Variants in ABI3BP observed in about 807,000 individuals in gnomAD.
The protein encoded by ABI3BP is target of Nesh-SH3.
A neutral mutation model predicts 268.6 loss-of-function variants in ABI3BP; 216 were observed. The observed-to-expected ratio is 0.80, with a 90% confidence interval of 0.72 to 0.90. The LOEUF (loss-of-function observed/expected upper bound fraction) is 0.90, where lower values mean the gene tolerates loss of function less well. Among genes scored for constraint, ABI3BP ranks in the 40% least tolerant of loss-of-function variants. ABI3BP has a pLI of 0.00. For synonymous variants in ABI3BP, 730 were observed against 730.0 expected (o/e 1.00, Z 0.00); for missense variants, 2,090 against 2,182.4 (o/e 0.96, Z 0.84).
At chr3:100,792,395 G>A (rs1337241873) in intron 55 of ABI3BP, among the ~76,000 whole-genome samples, 2 of 151,688 alleles carry the variant, frequency 1.3e-5, no homozygotes, top group East Asian at 1.9e-4. Context: ...TATGGAAAAC[G>A]AGGCAAATGA....
rs1202676209 is a variant in ABI3BP at position 100,787,734 on chromosome 3, C to G, written c.4156G>C (p.Gly1386Arg). 2 of 1,530,496 alleles carry G rather than the reference C, an allele frequency of 1.3e-6. No homozygotes were observed. The highest frequency in any genetic ancestry group is 2.0e-5 in the Admixed American group (1 of 50,198). 94.8% of individuals were successfully genotyped at this position (1,530,496 alleles called of 1,614,324 possible). A position where few individuals can be genotyped will look rare whatever the true frequency, so the allele number is the denominator to read the frequency against. Reference protein sequence around the residue: ...PSGMPSGNGVGTGVKQAPRPS... With the variant: ...PSGMPSGNGVRTGVKQAPRPS... ...ATACATTTGTGATTATTACCTGTTC[C>G]CACTCCATTCCCACTGGGCATCCCA... The change falls in exon 57 of 68, where the codon GGA becomes CGA. Residue 1386 changes from glycine to arginine, a missense_variant. Physicochemically the swap from Gly to Arg is moderately radical, Grantham distance 125. Transcript: ENST00000471714.
intron 2 of ABI3BP, among the ~76,000 whole-genome samples, chr3:100,914,880 C>G (rs984631558): frequency 6.6e-6 from 1 of 152,094 alleles, no homozygotes; most frequent in Non-Finnish European, 1.5e-5. Flanking sequence ...TTGAGGAAGA[C>G]ATTATTGGAG....
rs1407464226 is a variant in ABI3BP at position 100,840,824 on chromosome 3, T to C, written c.1800A>G (p.Thr600=). ...ACCCACTCAATACTCTATTACCTAA[T>C]GTTGTTGAAGGTTTGGTTCCTGGTG... ...PETPGTKPST[T]LAPRKTKRPG... Residue 600 remains threonine (T), a synonymous_variant, in exon 22 of 68, where the codon ACA becomes ACG. Transcript: ENST00000471714. 1 of 1,534,978 alleles carries C rather than the reference T, an allele frequency of 6.5e-7. No individual in the cohort carries two copies. The highest frequency in any genetic ancestry group is 1.4e-5 in the African/African-American group (1 of 73,060).
At chr3:100,810,376 T>G in intron 49 of ABI3BP, 36 bp downstream of exon 49, 1 of 1,492,450 alleles carries the variant, frequency 6.7e-7, no homozygotes, top group Non-Finnish European at 9.0e-7. Context: ...CTGCAAACAC[T>G]CACCTCATAT....
chr3:100,913,727 C>T (rs2057594734), intron 2 of ABI3BP, among the ~76,000 whole-genome samples: 1 of 152,282 alleles, frequency 6.6e-6, no homozygotes, highest in Admixed American at 6.5e-5. Context: ...AGATTACTAG[C>T]ACATTGCCCT....
Position 100,821,044 on chromosome 3 carries a change from G to A in ABI3BP, c.2947+10C>T, listed in dbSNP as rs757387828. The A allele has an allele frequency of 2.2e-4, 342 of 1,534,022 alleles. No homozygotes were observed. The highest frequency in any genetic ancestry group is 5.0e-4 in the Middle Eastern group (3 of 6,010). ...AAGAACACTTAATGAGGATTGCAAC[G>A]TGCTATTACCTTGTGTTGTCACCCA... On this transcript the variant is annotated intron_variant, in intron 39 of 67. Coordinates refer to ENST00000471714, the MANE Select transcript of ABI3BP (RefSeq NM_001375547.2).
intron 20 of ABI3BP, among the ~76,000 whole-genome samples, chr3:100,844,677 A>G (rs2098747320): frequency 6.6e-6 from 1 of 152,214 alleles, no homozygotes. Flanking sequence ...TGGTTTGCGG[A>G]GATCCAGTCA....
Position 100,856,412 on chromosome 3 carries a change from C to T in ABI3BP, c.1286-4472G>A, listed in dbSNP as rs115684985. On this transcript the variant is annotated intron_variant, in intron 14 of 67. Coordinates refer to ENST00000471714, the MANE Select transcript of ABI3BP (RefSeq NM_001375547.2). ...CTAAAGGAAGCTCCCAAAGAAAAAT[C>T]TAATGGAAAAACTGAAGCTGACCAT... 2.3e-3 allele frequency among the ~76,000 whole-genome samples: 345 copies of T among 152,268 alleles called. 1 individual carries two copies. Among genetic ancestry groups the T allele is most frequent in the African/African-American group, 7.9e-3 (328 of 41,570 alleles).
intron 14 of ABI3BP, among the ~76,000 whole-genome samples, chr3:100,858,565 G>A (rs975278837): frequency 4.6e-5 from 7 of 152,160 alleles, no homozygotes; most frequent in Admixed American, 1.3e-4. Flanking sequence ...CTGATTTGCT[G>A]ATACAGAATA....
intron 41 of ABI3BP, among the ~76,000 whole-genome samples, chr3:100,818,247 G>C (rs1309823914): frequency 2.6e-5 from 4 of 152,218 alleles, no homozygotes; most frequent in African/African-American, 7.2e-5. Flanking sequence ...TGCTTGAAAT[G>C]CAGCTTAAAA....
At chr3:100,909,535 C>A (rs1232420548) in intron 2 of ABI3BP, among the ~76,000 whole-genome samples, 1 of 152,108 alleles carries the variant, frequency 6.6e-6, no homozygotes, top group Non-Finnish European at 1.5e-5. Context: ...GGGTTAATAT[C>A]CAGAATCTAC....
intron 63 of ABI3BP, among the ~76,000 whole-genome samples, chr3:100,755,699 A>G (rs1411636904): frequency 6.6e-6 from 1 of 152,206 alleles, no homozygotes; most frequent in African/African-American, 2.4e-5. Context: ...AAGAAATGTA[A>G]ACAGTAAAGC....
At chr3:100,778,201 G>A (rs1383490369) in intron 59 of ABI3BP, 83 bp downstream of exon 59, 11 of 1,359,930 alleles carry the variant, frequency 8.1e-6, no homozygotes, top group Non-Finnish European at 1.1e-5. Context: ...TAGTGTGCCT[G>A]TTGCTAGCAC....
rs568542072 is a variant in ABI3BP, at chr3:100,857,588, G to C, written c.1285+4723C>G. Among the ~76,000 whole-genome samples, 4 of 152,222 alleles carry C rather than the reference G, an allele frequency of 2.6e-5. No individual in the cohort carries two copies. The East Asian group carries it at 7.7e-4, about 29-fold the overall frequency. ...GTTTCTTATACACCATATCTGGAAGGCACATGGCCCCAGTAATAACATTTA... is the reference window on the plus strand; with the variant it reads ...GTTTCTTATACACCATATCTGGAAGCCACATGGCCCCAGTAATAACATTTA... On this transcript the variant is annotated intron_variant, in intron 14 of 67. Transcript: ENST00000471714.
intron 3 of ABI3BP, among the ~76,000 whole-genome samples, chr3:100,899,128 C>T (rs1220347428): frequency 6.6e-6 from 1 of 152,180 alleles, no homozygotes; most frequent in African/African-American, 2.4e-5. Context: ...TATATGCATA[C>T]ACATGTATAT....
At chr3:100,894,972 A>T (rs1315093520) in intron 4 of ABI3BP, among the ~76,000 whole-genome samples, 1 of 148,008 alleles carries the variant, frequency 6.8e-6, no homozygotes, top group Non-Finnish European at 1.5e-5. Flanking sequence ...AAAAAACAGA[A>T]AAAAAAAACA....
At position 100,822,662 on chromosome 3, in the gene ABI3BP, T is replaced by C; in HGVS notation, c.2814A>G (p.Thr938=). The change falls in exon 38 of 68, where the codon ACA becomes ACG. Residue 938 remains threonine (T), a synonymous_variant. Coordinates refer to ENST00000471714, the MANE Select transcript of ABI3BP (RefSeq NM_001375547.2). Reference sequence around the variant, plus strand: ...GACGTGGACGACGTGTCCGTTGTGATGTTTTGGAAGCTGAAGGAAGAAGTT... The same window carrying C: ...GACGTGGACGACGTGTCCGTTGTGACGTTTTGGAAGCTGAAGGAAGAAGTT... ...PEASTTLASK[T]SQRTRRPRLR... 1 of 1,536,552 alleles carries C rather than the reference T, an allele frequency of 6.5e-7. No individual in the cohort carries two copies. Among genetic ancestry groups the C allele is most frequent in the Non-Finnish European group, 8.7e-7 (1 of 1,146,960 alleles).
chr3:100,881,123 C>T (rs1561215439), intron 6 of ABI3BP, among the ~76,000 whole-genome samples: 1 of 152,182 alleles, frequency 6.6e-6, no homozygotes, highest in Non-Finnish European at 1.5e-5. Context: ...TTTCAAAAGG[C>T]TTCAAATTTC....
intron 1 of ABI3BP, among the ~76,000 whole-genome samples, chr3:100,989,795 C>T (rs2092630198): frequency 6.6e-6 from 1 of 152,118 alleles, no homozygotes; most frequent in African/African-American, 2.4e-5. Flanking sequence ...TTATTTTAGC[C>T]TGTTTGCCAG....
Sources: allele counts gnomAD v4.1 joint callset (sites outside exome capture counted in the v4.1 genomes callset), GRCh38; gene constraint gnomAD v4.1.1; transcripts MANE v1.5; gene names NCBI Gene and HGNC (gene_info 2026-07-23, HGNC 2026-07-21).